Variants in TAOK3 observed in about 807,000 individuals in gnomAD.
TAOK3 encodes serine/threonine-protein kinase TAO3.
Under a neutral mutation model 120.4 loss-of-function variants are expected in TAOK3, and 40 were observed. The observed-to-expected ratio is 0.33, with a 90% CI of 0.26 to 0.43. TAOK3 has a LOEUF of 0.43. Ranked by LOEUF, TAOK3 falls within the 20% of genes least tolerant of loss-of-function variation. The pLI, the probability that TAOK3 is intolerant of heterozygous loss-of-function variation, is 1.00. For synonymous variants in TAOK3, 355 were observed against 387.5 expected, an observed-to-expected ratio of 0.92 and a Z score of 0.99; for missense variants, 821 against 1,112.1, an observed-to-expected ratio of 0.74 and a Z score of 3.72.
At chr12:118,344,761 T>C (rs2044781155) in intron 1 of TAOK3, among the ~76,000 whole-genome samples, 1 of 152,182 alleles carries the variant, frequency 6.6e-6, no homozygotes, top group Non-Finnish European at 1.5e-5. Flanking sequence ...CTATTAACAG[T>C]GTTATGGCTT....
In TAOK3 at chr12:118,291,864, G is replaced by C. The variant is rs140542522; in HGVS notation, c.-193-25105C>G. The stretch of plus-strand genomic sequence containing the variant: ...GAGTCTCGCTCTGTTGCCCAGGTTG[G>C]AGTGCAGTGGCATGATCTCAGCTCA... On this transcript the variant is annotated intron_variant, in intron 1 of 20. Coordinates refer to ENST00000392533, the MANE Select transcript of TAOK3 (RefSeq NM_016281.4). Among the ~76,000 whole-genome samples, 980 of 152,214 alleles carry C rather than the reference G, an allele frequency of 6.4e-3. 13 individuals carry two copies. Among genetic ancestry groups the C allele is most frequent in the African/African-American group, 0.022 (927 of 41,524 alleles).
chr12:118,228,985 G>C (rs935034488), intron 9 of TAOK3, among the ~76,000 whole-genome samples: 3 of 152,050 alleles, frequency 2.0e-5, no homozygotes, highest in South Asian at 2.1e-4. Flanking sequence ...GCAGTGGCGT[G>C]ATCATGGCTC....
chr12:118,217,797 A>ATGTGTG (rs1173463113), intron 9 of TAOK3, among the ~76,000 whole-genome samples: 6,508 of 64,854 alleles, frequency 0.1, 1,056 homozygotes, highest in Non-Finnish European at 0.14. Context: ...GTATGTATGT[A>ATGTGTG]TGTGTGTGTG....
chr12:118,283,206 T>G (rs1193256761), intron 1 of TAOK3, among the ~76,000 whole-genome samples: 1 of 152,226 alleles, frequency 6.6e-6, no homozygotes. Flanking sequence ...ATTTATTGGA[T>G]ACCTGCTATA....
intron 2 of TAOK3, among the ~76,000 whole-genome samples, chr12:118,264,594 G>C (rs2041363546): frequency 1.3e-5 from 2 of 152,098 alleles, no homozygotes. Flanking sequence ...AGGTAGGAGG[G>C]GCTAAAAAGG....
chr12:118,334,369 A>T lies in TAOK3; in HGVS notation c.-194+38279T>A, dbSNP rs575762445. 1.1e-3 allele frequency among the ~76,000 whole-genome samples: 170 copies of T among 152,304 alleles called. 1 individual carries two copies. The highest frequency in any genetic ancestry group is 3.7e-3 in the African/African-American group (155 of 41,568). ...TTATACTAAGTGAAATAAGTGGGTC[A>T]CACAAGGATAAATATCATGACTCAA... On this transcript the variant is annotated intron_variant, in intron 1 of 20. Coordinates refer to ENST00000392533, the MANE Select transcript of TAOK3 (RefSeq NM_016281.4).
chr12:118,242,723 GGTGGCATGTGCCTGTA>G (rs922548331), intron 5 of TAOK3, among the ~76,000 whole-genome samples: 2 of 152,040 alleles, frequency 1.3e-5, no homozygotes, highest in Non-Finnish European at 2.9e-5. Context: ...AGCTGGGTGT[GGTGGCATGTGCCTGTA>G]GTCCCAGCTA....
chr12:118,191,600 T>C (rs984189590), intron 13 of TAOK3, among the ~76,000 whole-genome samples: 1 of 152,210 alleles, frequency 6.6e-6, no homozygotes, highest in Non-Finnish European at 1.5e-5. Context: ...TTAAAACTTA[T>C]AAGAAAATAT....
chr12:118,274,923 T>C (rs1321910830), intron 1 of TAOK3, among the ~76,000 whole-genome samples: 1 of 152,028 alleles, frequency 6.6e-6, no homozygotes, highest in Non-Finnish European at 1.5e-5. Context: ...TGAATATCTT[T>C]GTTCTGTCTG....
intron 1 of TAOK3, among the ~76,000 whole-genome samples, chr12:118,292,799 C>T (rs894699036): frequency 1.2e-4 from 18 of 152,198 alleles, no homozygotes; most frequent in African/African-American, 2.2e-4. Flanking sequence ...TAAAAGGCAA[C>T]GTCATCATTG....
At chr12:118,200,204 G>A (rs915678761) in intron 12 of TAOK3, 6 of 152,048 alleles carry the variant, frequency 3.9e-5, no homozygotes, top group Admixed American at 6.5e-5. Flanking sequence ...GCAACTTTCC[G>A]AGCTTCATTT....
intron 1 of TAOK3, among the ~76,000 whole-genome samples, chr12:118,360,342 C>T (rs1426288095): frequency 6.7e-6 from 1 of 149,834 alleles, no homozygotes; most frequent in South Asian, 2.1e-4. Context: ...CTGAGGCAGG[C>T]GGATCACGAG....
Position 118,339,686 on chromosome 12 carries a change from C to T in TAOK3, c.-194+32962G>A, listed in dbSNP as rs568080879. On this transcript the variant is annotated intron_variant, in intron 1 of 20. Coordinates refer to ENST00000392533, the MANE Select transcript of TAOK3 (RefSeq NM_016281.4). ...GTTCAAGCGATTCTGCCTCAGCCTC[C>T]CGAGTAGCTGGGACTACAGGCGCGC... 3.0e-3 allele frequency among the ~76,000 whole-genome samples: 449 copies of T among 152,068 alleles called. 3 individuals carry two copies. Among genetic ancestry groups the T allele is most frequent in the African/African-American group, 0.011 (440 of 41,476 alleles).
rs1348486944 is a variant in TAOK3 at position 118,371,523 on chromosome 12, C to T, written c.-194+1125G>A. On this transcript the variant is annotated intron_variant, in intron 1 of 20. Coordinates refer to ENST00000392533, the MANE Select transcript of TAOK3 (RefSeq NM_016281.4). The surrounding 1 kb of genome is among the most constrained non-coding windows in gnomAD (Gnocchi z 5.5). The stretch of plus-strand genomic sequence containing the variant: ...AGAGATGTTTCATGACATAATCCGG[C>T]TCCGGAGTCCCCCGGAGTCCCGGGG... Among the ~76,000 whole-genome samples, 2 of 17,994 alleles carry T rather than the reference C, an allele frequency of 1.1e-4. No individual in the cohort carries two copies. The highest frequency in any genetic ancestry group is 1.8e-4 in the Non-Finnish European group (2 of 11,224). 11.8% of individuals were successfully genotyped at this position (17,994 alleles called of 152,430 possible).
intron 11 of TAOK3, 103 bp downstream of exon 11, chr12:118,212,811 C>A: frequency 1.3e-6 from 1 of 776,138 alleles, no homozygotes. Context: ...GCAGCACGTC[C>A]TAAACCACTT....
At chr12:118,287,149 TCA>T (rs1379541741) in intron 1 of TAOK3, among the ~76,000 whole-genome samples, 2 of 152,106 alleles carry the variant, frequency 1.3e-5, no homozygotes, top group Admixed American at 6.6e-5. Flanking sequence ...CACCAAAATC[TCA>T]CAAATCACCA....
At chr12:118,282,785 T>C (rs1052362165) in intron 1 of TAOK3, among the ~76,000 whole-genome samples, 4 of 152,174 alleles carry the variant, frequency 2.6e-5, no homozygotes, top group African/African-American at 9.7e-5. Context: ...CTTGCAAGAT[T>C]CAAAGTTCTG....
intron 3 of TAOK3, among the ~76,000 whole-genome samples, chr12:118,253,336 A>G (rs1593307687): frequency 2.0e-5 from 3 of 152,378 alleles, no homozygotes; most frequent in Admixed American, 2.0e-4. Flanking sequence ...TTTGATTACA[A>G]AGAAATTATT....
At chr12:118,308,613 G>A (rs955615504) in intron 1 of TAOK3, among the ~76,000 whole-genome samples, 4 of 152,006 alleles carry the variant, frequency 2.6e-5, no homozygotes, top group Non-Finnish European at 4.4e-5. Context: ...AATGGTCTTG[G>A]GAGAATGTAG....
Sources: allele counts gnomAD v4.1 joint callset (sites outside exome capture counted in the v4.1 genomes callset), GRCh38; gene constraint gnomAD v4.1.1; non-coding constraint Gnocchi (gnomAD v3.1); transcripts MANE v1.5; gene names NCBI Gene and HGNC (gene_info 2026-07-23, HGNC 2026-07-21).